ADD2: variants seen among roughly 807,000 people sequenced by gnomAD.
ADD2 encodes the protein adducin 2.
In ADD2, 23 loss-of-function variants were observed where a neutral mutation model predicts 83.0. The ratio of observed to expected loss-of-function variants is 0.28; its 90% confidence interval spans 0.20 to 0.39. The LOEUF is 0.39. ADD2 is among the 10% of genes least tolerant of loss of function. ADD2 has a pLI of 1.00. For synonymous variants in ADD2, 375 were observed against 375.4 expected (o/e 1.00, Z 0.01); for missense variants, 758 against 944.9 (o/e 0.80, Z 2.59).
intron 15 of ADD2, among the ~76,000 whole-genome samples, chr2:70,664,873 A>G (rs1389728766): frequency 6.7e-6 from 1 of 150,078 alleles, no homozygotes; most frequent in Non-Finnish European, 1.5e-5. Flanking sequence ...GCATGTGCGA[A>G]CCAGTGTGTG....
chr2:70,718,212 GA>G (rs1249832531), intron 1 of ADD2, among the ~76,000 whole-genome samples: 1 of 152,198 alleles, frequency 6.6e-6, no homozygotes, highest in Non-Finnish European at 1.5e-5. Context: ...TGAATGGACT[GA>G]GTATTCTTTC....
At chr2:70,747,681 C>T (rs1674293231) in intron 1 of ADD2, among the ~76,000 whole-genome samples, 1 of 152,208 alleles carries the variant, frequency 6.6e-6, no homozygotes. Flanking sequence ...AAGAGAAACC[C>T]ATCCTGTCTT....
intron 1 of ADD2, among the ~76,000 whole-genome samples, chr2:70,757,083 C>T (rs1033162014): frequency 6.6e-5 from 10 of 152,216 alleles, no homozygotes; most frequent in Admixed American, 5.9e-4. Context: ...CTGCCTCGGC[C>T]TCCCAAAGTG....
At chr2:70,721,883 C>T (rs554354695) in intron 1 of ADD2, among the ~76,000 whole-genome samples, 3 of 152,118 alleles carry the variant, frequency 2.0e-5, no homozygotes, top group Non-Finnish European at 4.4e-5. Flanking sequence ...GAGTGATTGG[C>T]GACTAACATC....
In ADD2 at chr2:70,695,607, T is replaced by C. The variant is rs1553372449; in HGVS notation, c.555+114A>G. On this transcript the variant is annotated intron_variant, in intron 6 of 15. Coordinates refer to ENST00000264436, the MANE Select transcript of ADD2 (RefSeq NM_001617.4). ...CATGTGTCTTCTCTGCCCTATCAGATTGTGAGCTCCACAGCGCAACAGTGA... is the reference window on the plus strand; with the variant it reads ...CATGTGTCTTCTCTGCCCTATCAGACTGTGAGCTCCACAGCGCAACAGTGA... 5 of 903,470 alleles carry C rather than the reference T, an allele frequency of 5.5e-6. No homozygotes were observed. The Admixed American group carries it at 6.0e-5, about 11-fold the overall frequency. 56.0% of individuals were successfully genotyped at this position (903,470 alleles called of 1,614,324 possible).
chr2:70,677,607 G>T, intron 12 of ADD2, 151 bp downstream of exon 12: 1 of 1,028,224 alleles, frequency 9.7e-7, no homozygotes, highest in Non-Finnish European at 1.4e-6. Flanking sequence ...CAGCACCTGG[G>T]CCATGGTCAG....
At chr2:70,677,932 C>G in intron 11 of ADD2, 55 bp from the exon 12 acceptor site, 2 of 1,607,358 alleles carry the variant, frequency 1.2e-6, no homozygotes, top group Non-Finnish European at 1.7e-6. Context: ...CATGAGTCCT[C>G]CCCAGTGGTC....
At chr2:70,684,411 C>G (rs1452210864) in intron 9 of ADD2, among the ~76,000 whole-genome samples, 1 of 152,110 alleles carries the variant, frequency 6.6e-6, no homozygotes, top group Non-Finnish European at 1.5e-5. Context: ...CCACATTCAG[C>G]AAATTTTTGT....
At chr2:70,743,320 T>C (rs917167198) in intron 1 of ADD2, among the ~76,000 whole-genome samples, 2 of 152,144 alleles carry the variant, frequency 1.3e-5, no homozygotes, top group Non-Finnish European at 2.9e-5. Flanking sequence ...GTGCAAAATA[T>C]AATTTGGTTG....
At chr2:70,675,766 T>C (rs1050730004) in intron 13 of ADD2, 5 of 985,420 alleles carry the variant, frequency 5.1e-6, no homozygotes, top group Non-Finnish European at 6.0e-6. Flanking sequence ...TAGGGAATCA[T>C]GGAGTCAACC....
intron 1 of ADD2, among the ~76,000 whole-genome samples, chr2:70,740,289 A>T (rs1553380838): frequency 6.6e-6 from 1 of 152,218 alleles, no homozygotes; most frequent in African/African-American, 2.4e-5. Flanking sequence ...AGAAAATAAC[A>T]GGATCATAAT....
chr2:70,747,372 T>G (rs782470074), intron 1 of ADD2, among the ~76,000 whole-genome samples: 1 of 152,150 alleles, frequency 6.6e-6, no homozygotes, highest in Admixed American at 6.5e-5. Flanking sequence ...CAGAGCTGTA[T>G]GGTAAGTGCT....
intron 1 of ADD2, among the ~76,000 whole-genome samples, chr2:70,761,676 C>CTT (rs1203725114): frequency 1.4e-5 from 2 of 140,300 alleles, no homozygotes. Context: ...ATAGACACAA[C>CTT]TTTTTTTTTT....
Position 70,706,230 on chromosome 2 carries a change from C to T in ADD2, c.179G>A (p.Ser60Asn), listed in dbSNP as rs1671882435. 6.2e-7 allele frequency: 1 copy of T among 1,613,626 alleles called. No homozygotes were observed. Among genetic ancestry groups the T allele is most frequent in the Admixed American group, 1.7e-5 (1 of 60,000 alleles). Residue 60 changes from serine to asparagine, a missense_variant, in exon 3 of 16, where the codon AGT becomes AAT. Physicochemically the swap from Ser to Asn is conservative, Grantham distance 46 (BLOSUM62 1). This residue lies in a region of ADD2 where 175 missense variants were observed against 192.1 expected (regional missense o/e 0.91). Coordinates refer to ENST00000264436, the MANE Select transcript of ADD2 (RefSeq NM_001617.4). This position sits in a 1 kb window ranked among gnomAD's most constrained non-coding sequence, Gnocchi z 5.0. ...GCCCGGGTCAGCCCCACTCACGGGA[C>T]TCTGCAGGATCATGGTGACGCGCTT... ...QKKRVTMILQSPSFREELEGL... is the reference protein window; with the variant it reads ...QKKRVTMILQNPSFREELEGL...
At chr2:70,688,522 G>C (rs1670858222) in intron 8 of ADD2, among the ~76,000 whole-genome samples, 1 of 152,232 alleles carries the variant, frequency 6.6e-6, no homozygotes, top group African/African-American at 2.4e-5. Context: ...GTATATTAAA[G>C]TGAATGAAGT....
rs1300356826 is a variant in ADD2 at position 70,706,160 on chromosome 2, G to A, written c.183+66C>T. The A allele has an allele frequency of 5.2e-6, 8 of 1,528,142 alleles. No individual in the cohort carries two copies. Among genetic ancestry groups the A allele is most frequent in the Non-Finnish European group, 6.3e-6 (7 of 1,117,378 alleles). The allele number at this position is 1,528,142 out of a possible 1,614,324, so 94.7% of individuals were successfully genotyped here. A position where few individuals can be genotyped will look rare whatever the true frequency, so the allele number is the denominator to read the frequency against. On this transcript the variant is annotated intron_variant, in intron 3 of 15. Coordinates refer to ENST00000264436, the MANE Select transcript of ADD2 (RefSeq NM_001617.4). This position sits in a 1 kb window ranked among gnomAD's most constrained non-coding sequence, Gnocchi z 5.0. Reference sequence around the variant, plus strand: ...GAAAGAGGAGTTACTCATCTTTCGGGTGGGTACACGTCCTGAAGAGCCAGC... The same window carrying A: ...GAAAGAGGAGTTACTCATCTTTCGGATGGGTACACGTCCTGAAGAGCCAGC...
Position 70,671,590 on chromosome 2 carries a change from G to A in ADD2, c.1870+1288C>T, listed in dbSNP as rs182672700. ...ACTACAGAGACAAGTATTCAGAATC[G>A]GAGGAAACTCCTTTGATGAAGGCAC... On this transcript the variant is annotated intron_variant, in intron 15 of 15. Transcript: ENST00000264436. Among the ~76,000 whole-genome samples, 259 of 152,248 alleles carry A rather than the reference G, an allele frequency of 1.7e-3. 1 individual carries two copies. Among genetic ancestry groups the A allele is most frequent in the African/African-American group, 5.7e-3 (238 of 41,550 alleles).
At chr2:70,677,015 A>AATG in intron 12 of ADD2, 130 bp from the exon 13 acceptor site, 1 of 1,411,046 alleles carries the variant, frequency 7.1e-7, no homozygotes, top group Non-Finnish European at 9.3e-7. Flanking sequence ...CACCTATCCT[A>AATG]ATGCAATCCT....
At chr2:70,761,400 GGA>G (rs72034130) in intron 1 of ADD2, among the ~76,000 whole-genome samples, 20,177 of 151,604 alleles carry the variant, frequency 0.13, 1,511 homozygotes, top group Middle Eastern at 0.27. Flanking sequence ...CCTGAGATCA[GGA>G]GTTTGAGACC....
Sources: allele counts gnomAD v4.1 joint callset (sites outside exome capture counted in the v4.1 genomes callset), GRCh38; gene constraint gnomAD v4.1.1; regional missense constraint gnomAD v4.1.1; non-coding constraint Gnocchi (gnomAD v3.1); transcripts MANE v1.5; gene names NCBI Gene and HGNC (gene_info 2026-07-23, HGNC 2026-07-21).